Variants in TENM2 observed in about 807,000 individuals in gnomAD.
TENM2 encodes the protein teneurin transmembrane protein 2.
TENM2 carries 52 observed loss-of-function variants against 245.2 expected under a neutral mutation model. The observed-to-expected ratio is 0.21, with a 90% CI of 0.17 to 0.27. TENM2 has a LOEUF of 0.27. Among genes scored for constraint, TENM2 ranks in the 10% least tolerant of loss-of-function variants. The probability of loss-of-function intolerance (pLI) is 1.00; values close to 1 mark genes in which losing one functional copy is unlikely to be tolerated. For synonymous variants in TENM2, 1,363 were observed against 1,438.9 expected (o/e 0.95, Z 1.19); for missense variants, 3,046 against 3,666.8 (o/e 0.83, Z 4.37).
intron 2 of TENM2, among the ~76,000 whole-genome samples, chr5:167,805,578 C>T (rs1226825862): frequency 6.6e-6 from 1 of 152,116 alleles, no homozygotes; most frequent in Non-Finnish European, 1.5e-5. Flanking sequence ...CTGAGGTCAA[C>T]CATGATGAAA....
chr5:167,766,028 C>CAG (rs560533551), intron 2 of TENM2, among the ~76,000 whole-genome samples: 227 of 152,108 alleles, frequency 1.5e-3, no homozygotes, highest in Non-Finnish European at 2.4e-4. Flanking sequence ...CCTAGAAACA[C>CAG]AGAGAGAGAG....
At chr5:167,392,238 A>T (rs939977185) in intron 2 of TENM2, among the ~76,000 whole-genome samples, 1 of 152,198 alleles carries the variant, frequency 6.6e-6, no homozygotes. Flanking sequence ...GAGTTCTCAT[A>T]TAATTGTAAA....
At chr5:167,131,412 C>T in the TENM2 span, among the ~76,000 whole-genome samples, 5 of 152,062 alleles carry the variant, frequency 3.3e-5, no homozygotes, top group Non-Finnish European at 4.4e-5. Flanking sequence ...TTGATATTCC[C>T]GATTGAGTGC....
At chr5:167,171,809 A>G in the TENM2 span, among the ~76,000 whole-genome samples, 2 of 152,182 alleles carry the variant, frequency 1.3e-5, no homozygotes, top group African/African-American at 2.4e-5. Flanking sequence ...CATTGGCTGA[A>G]TCAATAAGAT....
intron 2 of TENM2, among the ~76,000 whole-genome samples, chr5:167,648,195 C>G (rs1295190262): frequency 6.6e-6 from 1 of 152,206 alleles, no homozygotes; most frequent in Non-Finnish European, 1.5e-5. Context: ...GACTGACCAG[C>G]TTTGTCAGGC....
intron 7 of TENM2, among the ~76,000 whole-genome samples, chr5:168,089,909 T>C (rs1792777957): frequency 1.3e-5 from 2 of 152,210 alleles, no homozygotes; most frequent in African/African-American, 4.8e-5. Context: ...ATAGATACTC[T>C]TATTTTCAGT....
chr5:167,671,897 C>T (rs1755970777), intron 2 of TENM2, among the ~76,000 whole-genome samples: 1 of 151,872 alleles, frequency 6.6e-6, no homozygotes, highest in Admixed American at 6.6e-5. Context: ...GGGCTATAAA[C>T]ATTTCAATAG....
chr5:167,826,696 A>C (rs1328598367), intron 2 of TENM2, among the ~76,000 whole-genome samples: 1 of 152,222 alleles, frequency 6.6e-6, no homozygotes, highest in African/African-American at 2.4e-5. Context: ...CCAAAGGTTA[A>C]GAGCACAGAC....
rs1225194008 is a variant in TENM2, at chr5:168,218,232, C to T, written c.4341C>T (p.Ser1447=). ...GAATCACCGAGAACCACCAAGTCAG[C>T]ATCATTGCGGGACGCCCCATGCACT... The change falls in exon 23 of 29, where the codon AGC becomes AGT. Residue 1447 remains serine (S), a synonymous_variant. Coordinates refer to ENST00000518659, the Ensembl canonical transcript of TENM2. This position sits in a 1 kb window ranked among gnomAD's most constrained non-coding sequence, Gnocchi z 5.2. 4.3e-6 allele frequency: 7 copies of T among 1,613,766 alleles called. No individual in the cohort carries two copies. Among genetic ancestry groups the T allele is most frequent in the Non-Finnish European group, 5.9e-6 (7 of 1,179,876 alleles).
At chr5:167,143,561 T>G in the TENM2 span, among the ~76,000 whole-genome samples, 1 of 152,216 alleles carries the variant, frequency 6.6e-6, no homozygotes, top group Admixed American at 6.5e-5. Flanking sequence ...AAACTCTTTC[T>G]TGTATGAATA....
At chr5:167,068,188 T>G in the TENM2 span, among the ~76,000 whole-genome samples, 1 of 152,208 alleles carries the variant, frequency 6.6e-6, no homozygotes, top group South Asian at 2.1e-4. Context: ...TGAAGTTTAA[T>G]AGTAGATGGC....
At chr5:167,565,479 A>G (rs575822045) in intron 2 of TENM2, among the ~76,000 whole-genome samples, 1 of 152,192 alleles carries the variant, frequency 6.6e-6, no homozygotes, top group Non-Finnish European at 1.5e-5. Flanking sequence ...GGTTTATTAC[A>G]TCACTCTATT....
the TENM2 span, among the ~76,000 whole-genome samples, chr5:167,275,643 C>T: frequency 1.3e-5 from 2 of 151,980 alleles, no homozygotes; most frequent in Non-Finnish European, 2.9e-5. Flanking sequence ...GTTTTGATTT[C>T]CAGTGCCCAT....
At chr5:167,224,441 A>C in the TENM2 span, among the ~76,000 whole-genome samples, 1 of 152,000 alleles carries the variant, frequency 6.6e-6, no homozygotes, top group Non-Finnish European at 1.5e-5. Flanking sequence ...TTATTGAAGA[A>C]GGTGTTCTTT....
At chr5:167,063,211 A>ATCCT in the TENM2 span, among the ~76,000 whole-genome samples, 1 of 152,096 alleles carries the variant, frequency 6.6e-6, no homozygotes, top group East Asian at 1.9e-4. Flanking sequence ...TCCAGAGATA[A>ATCCT]ACCTTGTCTT....
At chr5:168,177,493 T>C (rs561308719) in intron 13 of TENM2, among the ~76,000 whole-genome samples, 28 of 152,272 alleles carry the variant, frequency 1.8e-4, no homozygotes, top group African/African-American at 6.7e-4. Flanking sequence ...GTGATCATAA[T>C]TGGCAGTATG....
chr5:168,229,067 AT>A (rs1764573881), intron 25 of TENM2, among the ~76,000 whole-genome samples: 1 of 148,386 alleles, frequency 6.7e-6, no homozygotes, highest in South Asian at 2.1e-4. Context: ...TTAATGTATA[AT>A]TATATGTATA....
intron 1 of TENM2, among the ~76,000 whole-genome samples, chr5:167,302,013 T>C (rs1399433504): frequency 1.3e-5 from 2 of 151,860 alleles, no homozygotes. Flanking sequence ...TTAGAAAGAC[T>C]CACGACGCTT....
the TENM2 span, among the ~76,000 whole-genome samples, chr5:167,136,054 C>T: frequency 6.6e-6 from 1 of 152,176 alleles, no homozygotes. Context: ...ATTTCTAAGC[C>T]TCACATTTGA....
Sources: gnomAD v4.1 joint callset for allele counts (sites outside exome capture counted in the v4.1 genomes callset) on GRCh38, gnomAD v4.1.1 for gene constraint, Gnocchi (gnomAD v3.1) non-coding constraint, MANE v1.5 for transcripts, NCBI Gene and HGNC (gene_info 2026-07-23, HGNC 2026-07-21) for gene names.